Variants in TENM2 observed in about 807,000 individuals in gnomAD.
The protein encoded by TENM2 is teneurin-2.
Under a neutral mutation model 245.2 loss-of-function variants are expected in TENM2, and 52 were observed. The observed-to-expected ratio is 0.21, with a 90% CI of 0.17 to 0.27. The LOEUF is 0.27. TENM2 is among the 10% of genes least tolerant of loss of function. TENM2 has a pLI of 1.00. For missense variants in TENM2, 3,046 were observed against 3,666.8 expected, an observed-to-expected ratio of 0.83 and a Z score of 4.37; for synonymous variants, 1,363 against 1,438.9, an observed-to-expected ratio of 0.95 and a Z score of 1.19.
At chr5:168,140,040 A>G (rs924630730) in intron 12 of TENM2, among the ~76,000 whole-genome samples, 1 of 152,194 alleles carries the variant, frequency 6.6e-6, no homozygotes, top group Non-Finnish European at 1.5e-5. Flanking sequence ...ATTAGTATTG[A>G]GTGAGGAAGC....
At chr5:167,651,688 G>A (rs1403535203) in intron 2 of TENM2, among the ~76,000 whole-genome samples, 1 of 152,144 alleles carries the variant, frequency 6.6e-6, no homozygotes, top group Non-Finnish European at 1.5e-5. Flanking sequence ...TGCCCTGTGG[G>A]ACTCAGGAGG....
At chr5:167,353,626 G>A (rs536467182) in intron 1 of TENM2, among the ~76,000 whole-genome samples, 13 of 144,560 alleles carry the variant, frequency 9.0e-5, no homozygotes, top group Admixed American at 1.4e-4. Flanking sequence ...TCCTGCCTCA[G>A]CCTCCCATGT....
chr5:168,101,261 C>T (rs1386282536), intron 9 of TENM2, among the ~76,000 whole-genome samples: 1 of 152,122 alleles, frequency 6.6e-6, no homozygotes, highest in East Asian at 1.9e-4. Flanking sequence ...CAGAGTCGGC[C>T]TTTTATATGT....
the TENM2 span, among the ~76,000 whole-genome samples, chr5:167,049,102 A>T: frequency 6.6e-6 from 1 of 152,178 alleles, no homozygotes; most frequent in Non-Finnish European, 1.5e-5. Context: ...ATGCATGGTT[A>T]TTTCAGTCTT....
chr5:167,201,727 A>G, the TENM2 span, among the ~76,000 whole-genome samples: 2 of 152,098 alleles, frequency 1.3e-5, no homozygotes, highest in East Asian at 1.9e-4. Context: ...CTCTGTTTTC[A>G]TGATTAAGCT....
intron 2 of TENM2, among the ~76,000 whole-genome samples, chr5:167,489,767 T>C (rs533545226): frequency 6.6e-6 from 1 of 152,302 alleles, no homozygotes; most frequent in Non-Finnish European, 1.5e-5. Flanking sequence ...GAATGAATAA[T>C]ATGATTGCCA....
intron 7 of TENM2, among the ~76,000 whole-genome samples, chr5:168,069,597 T>A (rs1790807073): frequency 6.6e-6 from 1 of 152,194 alleles, no homozygotes; most frequent in Non-Finnish European, 1.5e-5. Flanking sequence ...TCTTGTTTTA[T>A]CTTCACAACA....
At chr5:167,170,540 T>C in the TENM2 span, among the ~76,000 whole-genome samples, 2 of 152,244 alleles carry the variant, frequency 1.3e-5, no homozygotes, top group African/African-American at 4.8e-5. Flanking sequence ...TCACGTATCA[T>C]GTAAGTTGTT....
upstream of TENM2, among the ~76,000 whole-genome samples, chr5:167,283,192 C>T (rs972407839): frequency 6.6e-5 from 10 of 151,874 alleles, no homozygotes; most frequent in African/African-American, 2.2e-4. Flanking sequence ...TATAGGTGCC[C>T]GCCACCAGGC....
intron 5 of TENM2, among the ~76,000 whole-genome samples, chr5:168,013,122 A>C (rs925192764): frequency 6.6e-6 from 1 of 152,140 alleles, no homozygotes; most frequent in African/African-American, 2.4e-5. Context: ...TTACACACAC[A>C]TACACATCCC....
chr5:167,232,010 C>A, the TENM2 span, among the ~76,000 whole-genome samples: 2 of 152,328 alleles, frequency 1.3e-5, no homozygotes, highest in Non-Finnish European at 2.9e-5. Context: ...TGGTGACTTG[C>A]AGGTGGTATT....
At chr5:168,229,491 G>C (rs1764625587) in intron 25 of TENM2, 1 of 151,860 alleles carries the variant, frequency 6.6e-6, no homozygotes, top group South Asian at 2.1e-4. Flanking sequence ...AGGTTGCGGG[G>C]AGATGGGAGA....
intron 2 of TENM2, among the ~76,000 whole-genome samples, chr5:167,685,352 CTG>C (rs1257150167): frequency 6.6e-6 from 1 of 152,170 alleles, no homozygotes; most frequent in African/African-American, 2.4e-5. Flanking sequence ...CTGTGAAACT[CTG>C]GGTCTTCATA....
At chr5:167,713,872 A>T (rs1759077116) in intron 2 of TENM2, among the ~76,000 whole-genome samples, 1 of 152,114 alleles carries the variant, frequency 6.6e-6, no homozygotes, top group South Asian at 2.1e-4. Context: ...CATTCCCAAT[A>T]TTGACATGCT....
intron 1 of TENM2, among the ~76,000 whole-genome samples, chr5:167,335,054 C>G (rs934499034): frequency 1.3e-5 from 2 of 152,038 alleles, no homozygotes; most frequent in African/African-American, 2.4e-5. Flanking sequence ...GAAGAAATAC[C>G]TGAGATAAAG....
intron 4 of TENM2, among the ~76,000 whole-genome samples, chr5:167,960,958 C>T (rs1381913422): frequency 6.6e-6 from 1 of 152,208 alleles, no homozygotes; most frequent in Non-Finnish European, 1.5e-5. Context: ...GGAGGGAGTT[C>T]CCTGACCCCT....
intron 2 of TENM2, among the ~76,000 whole-genome samples, chr5:167,405,769 AACACAC>A (rs149621688): frequency 6.9e-5 from 10 of 145,284 alleles, no homozygotes; most frequent in East Asian, 6.2e-4. Context: ...CACACACACA[AACACAC>A]ACACACACAC....
At chr5:167,956,428 T>G (rs998835623) in intron 4 of TENM2, among the ~76,000 whole-genome samples, 1 of 152,204 alleles carries the variant, frequency 6.6e-6, no homozygotes, top group African/African-American at 2.4e-5. Flanking sequence ...CAGAAACAAT[T>G]TGACCTCCTG....
chr5:167,374,698 C>G (rs758892351), intron 1 of TENM2, among the ~76,000 whole-genome samples: 3 of 152,204 alleles, frequency 2.0e-5, no homozygotes, highest in African/African-American at 4.8e-5. Context: ...GCGGAGGGAT[C>G]AGATCCAGGT....
Sources: gnomAD v4.1 joint callset for allele counts (sites outside exome capture counted in the v4.1 genomes callset) on GRCh38, gnomAD v4.1.1 for gene constraint, MANE v1.5 for transcripts, NCBI Gene and HGNC (gene_info 2026-07-23, HGNC 2026-07-21) for gene names.